BRWD1: variants seen among roughly 807,000 people sequenced by gnomAD.
The protein encoded by BRWD1 is bromodomain and WD repeat-containing protein 1.
A neutral mutation model predicts 251.2 loss-of-function variants in BRWD1; 82 were observed. The observed-to-expected ratio is 0.33, with a 90% CI of 0.27 to 0.39. The LOEUF is 0.39. Ranked by LOEUF, BRWD1 falls within the 10% of genes least tolerant of loss-of-function variation. The pLI is 1.00. For synonymous variants in BRWD1, 918 were observed against 902.8 expected (o/e 1.02, Z -0.30); for missense variants, 2,233 against 2,711.6 (o/e 0.82, Z 3.92).
rs754295859 is a variant in BRWD1, at chr21:39,225,130, A to G, written c.3276T>C (p.Tyr1092=). The change falls in exon 28 of 41, where the codon TAT becomes TAC. Residue 1092 remains tyrosine (Y), a synonymous_variant. Coordinates refer to ENST00000342449, the MANE Select transcript of BRWD1 (RefSeq NM_033656.4). ...WFGTVLSQEP[Y]QPQYPDSHFQ... ...AATGACTATCAGGATACTGTGGTTG[A>G]TATGGCTCTTGACTTAACACTGTTC... 5 of 1,613,472 alleles carry G rather than the reference A, an allele frequency of 3.1e-6. No individual in the cohort carries two copies. Among genetic ancestry groups the G allele is most frequent in the Non-Finnish European group, 3.4e-6 (4 of 1,179,468 alleles).
chr21:39,234,106 A>ACAAT (rs1449555725), intron 23 of BRWD1, among the ~76,000 whole-genome samples: 1 of 152,180 alleles, frequency 6.6e-6, no homozygotes, highest in Non-Finnish European at 1.5e-5. Context: ...AAACAATATA[A>ACAAT]CAATCATTTA....
At chr21:39,208,848 C>A (rs2032531101) in intron 36 of BRWD1, among the ~76,000 whole-genome samples, 2 of 152,028 alleles carry the variant, frequency 1.3e-5, no homozygotes, top group Admixed American at 1.3e-4. Context: ...GGATTACAGG[C>A]CTCATCAAGT....
chr21:39,262,726 C>T (rs2034795581), intron 17 of BRWD1, among the ~76,000 whole-genome samples: 1 of 151,980 alleles, frequency 6.6e-6, no homozygotes, highest in Admixed American at 6.6e-5. Flanking sequence ...AAAGATTACA[C>T]TTTGTATATA....
chr21:39,260,848 G>A (rs1486659488), intron 17 of BRWD1, among the ~76,000 whole-genome samples: 1 of 152,144 alleles, frequency 6.6e-6, no homozygotes, highest in East Asian at 1.9e-4. Flanking sequence ...AAAATACGCA[G>A]GACTGAATAT....
chr21:39,293,721 C>T (rs1159433018), intron 8 of BRWD1, 90 bp downstream of exon 8: 2 of 944,518 alleles, frequency 2.1e-6, no homozygotes, highest in Non-Finnish European at 3.2e-6. Context: ...AACTAATACA[C>T]ATCTTACTAT....
chr21:39,201,646 A>G (rs950915478), intron 38 of BRWD1, among the ~76,000 whole-genome samples: 1 of 152,190 alleles, frequency 6.6e-6, no homozygotes, highest in African/African-American at 2.4e-5. Context: ...TGGACATTCC[A>G]TGCTATGAAT....
At chr21:39,313,175 C>A in intron 2 of BRWD1, 66 bp downstream of exon 2, 1 of 1,499,056 alleles carries the variant, frequency 6.7e-7, no homozygotes. Context: ...GCCCACCACC[C>A]GCGACCCCCG....
chr21:39,213,631 A>G, intron 32 of BRWD1, 78 bp from the exon 33 acceptor site: 4 of 973,480 alleles, frequency 4.1e-6, no homozygotes, highest in Non-Finnish European at 6.3e-6. Context: ...ACATTAAAAT[A>G]TAAACAGTTC....
At chr21:39,292,114 G>T (rs1274229296) in intron 8 of BRWD1, among the ~76,000 whole-genome samples, 3 of 43,488 alleles carry the variant, frequency 6.9e-5, no homozygotes, top group African/African-American at 2.3e-4. Context: ...ACTATTTTTT[G>T]TGGGGGGTGG....
intron 4 of BRWD1, among the ~76,000 whole-genome samples, chr21:39,302,897 T>C (rs1381293824): frequency 1.3e-5 from 2 of 151,300 alleles, no homozygotes; most frequent in African/African-American, 4.9e-5. Context: ...TCATCTCTAC[T>C]AAAAATACAG....
chr21:39,199,696 T>C (rs557097742), intron 39 of BRWD1, 34 bp from the exon 40 acceptor site: 2 of 1,501,694 alleles, frequency 1.3e-6, no homozygotes, highest in Non-Finnish European at 9.0e-7. Context: ...ATTAAAAAGA[T>C]TTTCCTTATT....
chr21:39,204,254 AT>A (rs774900015), intron 37 of BRWD1, among the ~76,000 whole-genome samples: 1 of 151,118 alleles, frequency 6.6e-6, no homozygotes, highest in Non-Finnish European at 1.5e-5. Context: ...TGTAATAAAA[AT>A]AGTATTAATA....
Position 39,199,120 on chromosome 21 carries a change from C to G in BRWD1, c.5296G>C (p.Asp1766His). 3 of 1,613,932 alleles carry G rather than the reference C, an allele frequency of 1.9e-6. No individual in the cohort carries two copies. The South Asian group carries it at 3.3e-5, about 18-fold the overall frequency. Residue 1766 changes from aspartate to histidine, a missense_variant, in exon 40 of 41, where the codon GAT becomes CAT. Around this residue, in one of 12 missense-constraint regions of BRWD1, gnomAD observed 928 missense variants for 970.0 expected, o/e 0.96. Coordinates refer to ENST00000342449, the MANE Select transcript of BRWD1 (RefSeq NM_033656.4). ...SEEDSKSHDSDHACNRTAGPS... is the reference protein window; with the variant it reads ...SEEDSKSHDSHHACNRTAGPS... ...CCAGCAGTTCTGTTACATGCATGAT[C>G]TGAATCATGACTTTTAGAGTCTTCC...
intron 8 of BRWD1, among the ~76,000 whole-genome samples, chr21:39,282,818 G>T (rs988918421): frequency 1.3e-5 from 2 of 152,048 alleles, no homozygotes; most frequent in Admixed American, 1.3e-4. Context: ...AATTAGCCAT[G>T]CATGGTGGTG....
intron 23 of BRWD1, among the ~76,000 whole-genome samples, chr21:39,233,821 A>T (rs2033712317): frequency 6.6e-6 from 1 of 152,132 alleles, no homozygotes; most frequent in Non-Finnish European, 1.5e-5. Flanking sequence ...GAAGTTCGAG[A>T]CCACCCTGGT....
chr21:39,244,178 C>G (rs2034099946), intron 21 of BRWD1, among the ~76,000 whole-genome samples: 1 of 152,074 alleles, frequency 6.6e-6, no homozygotes, highest in Non-Finnish European at 1.5e-5. Flanking sequence ...CATTCTCCTG[C>G]CTCAGCCTCC....
At chr21:39,237,407 A>C (rs1318082667) in intron 22 of BRWD1, among the ~76,000 whole-genome samples, 1 of 152,212 alleles carries the variant, frequency 6.6e-6, no homozygotes, top group Non-Finnish European at 1.5e-5. Flanking sequence ...TAGCTTCACC[A>C]AACAGAAATA....
intron 15 of BRWD1, among the ~76,000 whole-genome samples, chr21:39,267,966 G>A (rs1354461689): frequency 6.6e-6 from 1 of 152,040 alleles, no homozygotes; most frequent in Non-Finnish European, 1.5e-5. Context: ...ATTTACCCAC[G>A]TAACCAACCT....
Position 39,229,413 on chromosome 21 carries a change from A to C in BRWD1, c.3024T>G (p.Val1008=), listed in dbSNP as rs2033518237. The C allele has an allele frequency of 6.2e-7, 1 of 1,609,488 alleles. No individual in the cohort carries two copies. The highest frequency in any genetic ancestry group is 8.5e-7 in the Non-Finnish European group (1 of 1,176,342). ...GGGGCCCAACTTCATATCGTATTCC[A>C]ACTATTTTAACCAATTCTTGATCCT... The part of the protein sequence containing the change: ...DLRDQELVKI[V]GIRYEVGPPT... The change falls in exon 26 of 41, where the codon GTT becomes GTG. Residue 1008 remains valine (V), a synonymous_variant. Transcript: ENST00000342449.
Sources: gnomAD v4.1 joint callset for allele counts (sites outside exome capture counted in the v4.1 genomes callset) on GRCh38, gnomAD v4.1.1 for gene constraint, gnomAD v4.1.1 regional missense constraint, MANE v1.5 for transcripts, NCBI Gene and HGNC (gene_info 2026-07-23, HGNC 2026-07-21) for gene names.